The following ARHGEF3 variants were observed in gnomAD, a reference collection of about 807,000 sequenced individuals.
ARHGEF3 encodes the protein Rho guanine nucleotide exchange factor 3.
Under a neutral mutation model 63.2 loss-of-function variants are expected in ARHGEF3, and 28 were observed. That is an observed-to-expected ratio of 0.44 (90% CI 0.33 to 0.61). ARHGEF3 has a LOEUF of 0.61. ARHGEF3 is among the 20% of genes least tolerant of loss of function. ARHGEF3 has a pLI of 0.03. For missense variants in ARHGEF3, 533 were observed against 659.3 expected (o/e 0.81, Z 2.10); for synonymous variants, 266 against 254.2 (o/e 1.05, Z -0.44).
Position 56,916,303 on chromosome 3 carries a change from G to A in ARHGEF3, c.130-33949C>T, listed in dbSNP as rs2041987454. On this transcript the variant is annotated intron_variant, in intron 3 of 12. Coordinates refer to the ARHGEF3 transcript ENST00000338458. ...CCCATCCCAGGCTCAGCAGCAGGGG[G>A]CTTACCTGCGAACGGACAAAGAGGC... The A allele has an allele frequency of 2.6e-6, 4 of 1,535,096 alleles. No individual in the cohort carries two copies. The East Asian group carries it at 9.8e-5, about 38-fold the overall frequency.
chr3:57,004,301 T>C (rs1443140747), intron 2 of ARHGEF3, among the ~76,000 whole-genome samples: 1 of 152,206 alleles, frequency 6.6e-6, no homozygotes. Context: ...CATTTTCTAA[T>C]AGATCCGCCC....
At chr3:56,972,515 G>A (rs1700957073) in intron 2 of ARHGEF3, among the ~76,000 whole-genome samples, 1 of 152,080 alleles carries the variant, frequency 6.6e-6, no homozygotes, top group South Asian at 2.1e-4. Flanking sequence ...AAATTCTATG[G>A]AGAAGGACAA....
chr3:56,890,061 C>CAATA (rs61496923), intron 3 of ARHGEF3, among the ~76,000 whole-genome samples: 121 of 151,124 alleles, frequency 8.0e-4, no homozygotes, highest in African/African-American at 2.8e-3. Context: ...GACTCCTTCT[C>CAATA]AATAAATAAA....
chr3:56,958,874 C>T, exon 3 of ARHGEF3: 1 of 1,551,498 alleles, frequency 6.4e-7, no homozygotes, highest in Non-Finnish European at 8.7e-7. Flanking sequence ...AGTTGTTTTG[C>T]CGCTGCCGTT....
At chr3:56,959,504 A>G (rs1700187484) in intron 2 of ARHGEF3, among the ~76,000 whole-genome samples, 1 of 152,180 alleles carries the variant, frequency 6.6e-6, no homozygotes, top group African/African-American at 2.4e-5. Context: ...CTGTCTCCTA[A>G]TCAAATTTTG....
chr3:56,744,453 C>A lies in ARHGEF3; in HGVS notation c.870+752G>T, dbSNP rs970627881. On this transcript the variant is annotated intron_variant, in intron 7 of 9. Coordinates refer to ENST00000296315, the MANE Select transcript of ARHGEF3 (RefSeq NM_019555.3). ...CACTCTGTTGCCCAGGCTGGAGTTG[C>A]AGTGGCGTGATCTCAGCTCACTGCA... Among the ~76,000 whole-genome samples, 7 of 147,796 alleles carry A rather than the reference C, an allele frequency of 4.7e-5. 1 individual carries two copies. The highest frequency in any genetic ancestry group is 7.4e-5 in the Non-Finnish European group (5 of 67,594).
intron 4 of ARHGEF3, among the ~76,000 whole-genome samples, chr3:56,874,165 G>C (rs752579504): frequency 3.9e-5 from 6 of 152,092 alleles, no homozygotes; most frequent in Non-Finnish European, 8.8e-5. Context: ...AACAACCATT[G>C]GACCAAACAT....
chr3:57,052,459 G>C lies in ARHGEF3; in HGVS notation c.-27-17283C>G, dbSNP rs888323505. On this transcript the variant is annotated intron_variant, in intron 1 of 12. Coordinates refer to the ARHGEF3 transcript ENST00000338458. ...TTACAGGCAACCACCACCATGCCCG[G>C]CTAATTTTTGTATTTTTAGTAGAGA... Among the ~76,000 whole-genome samples, 126 of 151,994 alleles carry C rather than the reference G, an allele frequency of 8.3e-4. 1 individual carries two copies. Among genetic ancestry groups the C allele is most frequent in the Non-Finnish European group, 3.7e-4 (25 of 68,018 alleles).
At position 56,736,423 on chromosome 3, in the gene ARHGEF3, T is replaced by C. The variant is rs1578369123; in HGVS notation, c.1041+762A>G. Among the ~76,000 whole-genome samples the C allele has an allele frequency of 8.5e-5, 13 of 152,310 alleles. No individual in the cohort carries two copies. In the South Asian group the frequency reaches 2.7e-3, roughly 32 times the overall value. ...GGTATCTATAGGTCAAAGCTAAATA[T>C]GCAACCAATAGAAGATAGGTTGTTA... On this transcript the variant is annotated intron_variant, in intron 8 of 9. Coordinates refer to ENST00000296315, the MANE Select transcript of ARHGEF3 (RefSeq NM_019555.3).
chr3:56,930,053 C>T (rs539692132), intron 3 of ARHGEF3, among the ~76,000 whole-genome samples: 4 of 151,478 alleles, frequency 2.6e-5, no homozygotes, highest in African/African-American at 4.8e-5. Flanking sequence ...CAGCCCCCCC[C>T]TCCCACCAGC....
chr3:57,008,111 G>T (rs2107080457), intron 2 of ARHGEF3, among the ~76,000 whole-genome samples: 1 of 152,196 alleles, frequency 6.6e-6, no homozygotes, highest in East Asian at 1.9e-4. Context: ...TAACCGTGTA[G>T]ATCCTTGGGC....
At position 56,865,422 on chromosome 3, in the gene ARHGEF3, G is replaced by A. The variant is rs541147236; in HGVS notation, c.192+16870C>T. Among the ~76,000 whole-genome samples the A allele has an allele frequency of 2.6e-5, 4 of 152,340 alleles. No homozygotes were observed. The South Asian group carries it at 6.2e-4, about 24-fold the overall frequency. Reference sequence around the variant, plus strand: ...CTTATGATGAAACCTTCTTTTCTATGTGAAGGCAAAACCACATGAAATATC... The same window carrying A: ...CTTATGATGAAACCTTCTTTTCTATATGAAGGCAAAACCACATGAAATATC... On this transcript the variant is annotated intron_variant, in intron 4 of 12. Coordinates refer to the ARHGEF3 transcript ENST00000338458.
intron 7 of ARHGEF3, among the ~76,000 whole-genome samples, chr3:56,739,119 C>T (rs1449025581): frequency 6.6e-6 from 1 of 151,922 alleles, no homozygotes; most frequent in Non-Finnish European, 1.5e-5. Flanking sequence ...CTCCATGACA[C>T]CAATCAGAGG....
intron 1 of ARHGEF3, among the ~76,000 whole-genome samples, 186 bp from the exon 2 acceptor site, chr3:56,774,002 T>C (rs922379481): frequency 6.6e-6 from 1 of 151,998 alleles, no homozygotes; most frequent in Non-Finnish European, 1.5e-5. Context: ...GAAGGAGAAA[T>C]GGCAGGCAGG....
chr3:56,808,047 C>A (rs1198067524), intron 4 of ARHGEF3, among the ~76,000 whole-genome samples: 1 of 151,626 alleles, frequency 6.6e-6, no homozygotes, highest in African/African-American at 2.4e-5. Context: ...TCACTTGAAC[C>A]TGGGAGGCAG....
rs187692433 is a variant in ARHGEF3 at position 57,028,802 on chromosome 3, A to G, written c.62+6286T>C. ...TGGGTTGCGACGATGTTTGGAGCCA[A>G]TGTATATAAAAAGCCCCTCAGGAGG... On this transcript the variant is annotated intron_variant, in intron 2 of 12. Coordinates refer to the ARHGEF3 transcript ENST00000338458. Among the ~76,000 whole-genome samples, 123 of 152,152 alleles carry G rather than the reference A, an allele frequency of 8.1e-4. 1 individual carries two copies. Among genetic ancestry groups the G allele is most frequent in the African/African-American group, 2.7e-3 (112 of 41,518 alleles).
intron 2 of ARHGEF3, among the ~76,000 whole-genome samples, chr3:56,761,348 A>G (rs1368773537): frequency 6.6e-6 from 1 of 152,134 alleles, no homozygotes; most frequent in Non-Finnish European, 1.5e-5. Flanking sequence ...ACTAGAAGAA[A>G]AAAACTCCAA....
chr3:56,747,617 G>A (rs754110298), intron 6 of ARHGEF3, among the ~76,000 whole-genome samples: 1 of 152,170 alleles, frequency 6.6e-6, no homozygotes, highest in Non-Finnish European at 1.5e-5. Flanking sequence ...GAGGTCAGGA[G>A]TTTGAGCCCA....
intron 2 of ARHGEF3, among the ~76,000 whole-genome samples, chr3:56,761,388 C>T (rs2035409035): frequency 6.6e-6 from 1 of 152,034 alleles, no homozygotes; most frequent in South Asian, 2.1e-4. Flanking sequence ...GAAGAACAGC[C>T]ACATCCCTAT....
Sources: gnomAD v4.1 joint callset for allele counts (sites outside exome capture counted in the v4.1 genomes callset) on GRCh38, gnomAD v4.1.1 for gene constraint, MANE v1.5 for transcripts, NCBI Gene and HGNC (gene_info 2026-07-23, HGNC 2026-07-21) for gene names.